FHDC1: variants seen among roughly 807,000 people sequenced by gnomAD.
FHDC1 encodes the protein FH2 domain-containing protein 1.
FHDC1 carries 25 observed loss-of-function variants against 52.6 expected under a neutral mutation model. That is an observed-to-expected ratio of 0.48 (90% CI 0.35 to 0.66). The LOEUF is 0.66. Among genes scored for constraint, FHDC1 ranks in the 30% least tolerant of loss-of-function variants. FHDC1 has a pLI of 0.01. For missense variants in FHDC1, 1,459 were observed against 1,452.8 expected (o/e 1.00, Z -0.07); for synonymous variants, 616 against 581.5 (o/e 1.06, Z -0.85).
Position 152,943,094 on chromosome 4 carries a change from A to G in FHDC1, c.37A>G (p.Lys13Glu). Residue 13 changes from lysine (K) to glutamate (E), a missense_variant, in exon 2 of 12, where the codon AAA becomes GAA. Lys to Glu is a moderately conservative substitution (Grantham distance 56). Coordinates refer to ENST00000511601, the MANE Select transcript of FHDC1 (RefSeq NM_001371116.1). ...VMNCVSLVSDKENGNIATAPG... is the reference protein window; with the variant it reads ...VMNCVSLVSDEENGNIATAPG... ...GAATTGTGTCTCCTTGGTCAGTGATAAAGAAAATGGGAATATTGCCACAGC... is the reference window on the plus strand; with the variant it reads ...GAATTGTGTCTCCTTGGTCAGTGATGAAGAAAATGGGAATATTGCCACAGC... The G allele has an allele frequency of 1.2e-6, 2 of 1,613,854 alleles. No individual in the cohort carries two copies. Among genetic ancestry groups the G allele is most frequent in the Non-Finnish European group, 1.7e-6 (2 of 1,179,862 alleles).
At chr4:152,948,112 A>G (rs895637927) in intron 2 of FHDC1, among the ~76,000 whole-genome samples, 2 of 152,186 alleles carry the variant, frequency 1.3e-5, no homozygotes, top group Non-Finnish European at 2.9e-5. Flanking sequence ...AACTAAAGTG[A>G]AAAAGAAAAT....
upstream of FHDC1, among the ~76,000 whole-genome samples, chr4:152,931,998 ATTTCTCCCT>A (rs1424015919): frequency 2.0e-5 from 3 of 150,140 alleles, no homozygotes; most frequent in Non-Finnish European, 3.0e-5. Context: ...TCAGAAAAAT[ATTTCTCCCT>A]TTTCTCCCTC....
At chr4:152,956,755 C>A (rs569201457) in intron 4 of FHDC1, among the ~76,000 whole-genome samples, 9 of 152,192 alleles carry the variant, frequency 5.9e-5, no homozygotes, top group Admixed American at 2.0e-4. Flanking sequence ...CCTCCTGCTG[C>A]GGGGTCATCC....
the FHDC1 span, among the ~76,000 whole-genome samples, chr4:152,913,684 TA>T: frequency 3.3e-4 from 50 of 151,796 alleles, 1 homozygote; most frequent in East Asian, 3.5e-3. Context: ...TTTATTTATT[TA>T]TTTATTTTTT....
intron 2 of FHDC1, among the ~76,000 whole-genome samples, chr4:152,946,520 G>T (rs776093109): frequency 8.5e-5 from 13 of 152,110 alleles, no homozygotes; most frequent in Non-Finnish European, 1.8e-4. Context: ...AACTCAGCAG[G>T]GTTCTTGTCT....
Position 152,975,533 on chromosome 4 carries a change from G to T in FHDC1, c.2242G>T (p.Glu748Ter). 4.3e-6 allele frequency: 7 copies of T among 1,613,616 alleles called. No individual in the cohort carries two copies. Among genetic ancestry groups the T allele is most frequent in the Non-Finnish European group, 5.1e-6 (6 of 1,180,024 alleles). ...ALEDGKAAPDEPGSAALGSVG... is the reference protein window; with the variant it reads ...ALEDGKAAPD ...GGAGGATGGCAAGGCTGCCCCCGATGAGCCTGGAAGTGCAGCTTTGGGATC... is the reference window on the plus strand; with the variant it reads ...GGAGGATGGCAAGGCTGCCCCCGATTAGCCTGGAAGTGCAGCTTTGGGATC... Residue 748 changes from glutamate to a stop codon, truncating the protein, a stop_gained, in exon 12 of 12, where the codon GAG becomes TAG. Transcript: ENST00000511601. LOFTEE classifies it low-confidence loss of function (END_TRUNC).
intron 4 of FHDC1, among the ~76,000 whole-genome samples, chr4:152,957,402 CA>C (rs1740130065): frequency 6.6e-6 from 1 of 152,156 alleles, no homozygotes; most frequent in Non-Finnish European, 1.5e-5. Flanking sequence ...CCTTGTTTTA[CA>C]AATGAGAAAC....
chr4:152,951,696 T>C (rs111443675), intron 2 of FHDC1, among the ~76,000 whole-genome samples: 1,632 of 152,220 alleles, frequency 0.011, 24 homozygotes, highest in African/African-American at 0.036. Flanking sequence ...GTGAATCACA[T>C]ACATTTGGAA....
rs115311015 is a variant in FHDC1, at chr4:152,974,748, C to T, written c.1457C>T (p.Ser486Phe). 1.3e-6 allele frequency: 2 copies of T among 1,526,156 alleles called. No individual in the cohort carries two copies. Among genetic ancestry groups the T allele is most frequent in the Admixed American group, 2.1e-5 (1 of 47,372 alleles). The allele number at this position is 1,526,156 out of a possible 1,614,324, so 94.5% of individuals were successfully genotyped here. A position where few individuals can be genotyped will look rare whatever the true frequency, so the allele number is the denominator to read the frequency against. Residue 486 changes from serine (S) to phenylalanine (F), a missense_variant, in exon 12 of 12, where the codon TCC (serine) becomes TTC (phenylalanine). By Grantham distance (155) the Ser-to-Phe change is radical. Around this residue, in one of 3 missense-constraint regions of FHDC1, gnomAD observed 513 missense variants for 581.5 expected, o/e 0.88. Transcript: ENST00000511601. ...AAGGAGCAGGAGCAGAAGCAGCGCT[C>T]CTGGGCAACTGGGGAGCTGGGGGCA... ...RLKEQEQKQR[S>F]WATGELGAFG... is the part of the protein sequence containing the mutation.
chr4:152,970,632 A>G (rs72970330), intron 10 of FHDC1, among the ~76,000 whole-genome samples: 80 of 152,348 alleles, frequency 5.3e-4, no homozygotes, highest in African/African-American at 1.9e-3. Flanking sequence ...GAAGAATGAC[A>G]GGCAAAGATT....
At chr4:152,955,133 G>T (rs903770666) in intron 4 of FHDC1, among the ~76,000 whole-genome samples, 1 of 151,894 alleles carries the variant, frequency 6.6e-6, no homozygotes, top group African/African-American at 2.4e-5. Flanking sequence ...AATCATTTTT[G>T]AATAAAGATG....
Position 152,973,467 on chromosome 4 carries a change from C to T in FHDC1, c.1383+926C>T, listed in dbSNP as rs563817214. 1.1e-4 allele frequency among the ~76,000 whole-genome samples: 16 copies of T among 152,322 alleles called. No homozygotes were observed. The South Asian group carries it at 3.3e-3, about 32-fold the overall frequency. On this transcript the variant is annotated intron_variant, in intron 11 of 11. Coordinates refer to ENST00000511601, the MANE Select transcript of FHDC1 (RefSeq NM_001371116.1). ...AAGAAGTGAGCTCAGCTGTGGGAGG[C>T]AGTGGTGGGTGTCAAGGCCAAGTTG... is the stretch of plus-strand genomic sequence containing the variant.
In FHDC1 at chr4:152,976,985, C is replaced by A. The variant is rs901866270; in HGVS notation, c.*262C>A. 3 of 332,584 alleles carry A rather than the reference C, an allele frequency of 9.0e-6. No individual in the cohort carries two copies. The highest frequency in any genetic ancestry group is 1.1e-5 in the Non-Finnish European group (2 of 183,842). 20.6% of individuals were successfully genotyped at this position (332,584 alleles called of 1,614,324 possible). A position where few individuals can be genotyped will look rare whatever the true frequency, so the allele number is the denominator to read the frequency against. ...ACCTCCCCCATGCACCCCACCCTCC[C>A]CCAAAGCCCGGATCCCGAGAAAGAT... On this transcript the variant is annotated 3_prime_UTR_variant, in exon 12 of 12. Coordinates refer to ENST00000511601, the MANE Select transcript of FHDC1 (RefSeq NM_001371116.1).
chr4:152,917,094 A>G, the FHDC1 span: 1 of 152,206 alleles, frequency 6.6e-6, no homozygotes, highest in African/African-American at 2.4e-5. Context: ...GGTATGAGCC[A>G]CTGTTCCCGG....
intron 2 of FHDC1, among the ~76,000 whole-genome samples, chr4:152,951,458 TGGCTGGCA>T: frequency 6.6e-6 from 1 of 152,104 alleles, no homozygotes; most frequent in Non-Finnish European, 1.5e-5. Flanking sequence ...TTTTACCTTA[TGGCTGGCA>T]GGTGATTGTG....
chr4:152,973,574 A>G (rs1740742769), intron 11 of FHDC1, among the ~76,000 whole-genome samples: 1 of 152,198 alleles, frequency 6.6e-6, no homozygotes, highest in Admixed American at 6.5e-5. Context: ...CACTGTCCAA[A>G]GAGCCAGGCA....
At chr4:152,928,790 C>G in the FHDC1 span, among the ~76,000 whole-genome samples, 2 of 152,006 alleles carry the variant, frequency 1.3e-5, no homozygotes, top group African/African-American at 4.8e-5. Flanking sequence ...TCACTTCACA[C>G]TTGGCATGCA....
Position 152,975,572 on chromosome 4 carries a change from G to C in FHDC1, c.2281G>C (p.Asp761His). Residue 761 changes from aspartate to histidine, a missense_variant, in exon 12 of 12, where the codon GAC (aspartate) becomes CAC (histidine). Transcript: ENST00000511601. ...SAALGSVGSSDPENKDPRPLF... is the reference protein window; with the variant it reads ...SAALGSVGSSHPENKDPRPLF... ...AGCTTTGGGATCTGTGGGTAGCAGC[G>C]ACCCTGAGAACAAAGATCCTAGACC... 1 of 1,613,574 alleles carries C rather than the reference G, an allele frequency of 6.2e-7. No individual in the cohort carries two copies. The highest frequency in any genetic ancestry group is 8.5e-7 in the Non-Finnish European group (1 of 1,180,030).
chr4:152,963,243 G>A, intron 8 of FHDC1, 113 bp downstream of exon 8: 1 of 862,152 alleles, frequency 1.2e-6, no homozygotes, highest in Non-Finnish European at 1.8e-6. Context: ...GGCATGGCAA[G>A]TTCCAAGATG....
Sources: gnomAD v4.1 joint callset for allele counts (sites outside exome capture counted in the v4.1 genomes callset) on GRCh38, gnomAD v4.1.1 for gene constraint, gnomAD v4.1.1 regional missense constraint, MANE v1.5 for transcripts, NCBI Gene and HGNC (gene_info 2026-07-23, HGNC 2026-07-21) for gene names.